LARP1: variants seen among roughly 807,000 people sequenced by gnomAD.
LARP1 encodes the protein la-related protein 1.
LARP1 carries 36 observed loss-of-function variants against 122.7 expected under a neutral mutation model. The ratio of observed to expected loss-of-function variants is 0.29; its 90% CI spans 0.22 to 0.39. The LOEUF (loss-of-function observed/expected upper bound fraction) is 0.39, where lower values mean the gene tolerates loss of function less well. Ranked by LOEUF, LARP1 falls within the 10% of genes least tolerant of loss-of-function variation. LARP1 has a pLI of 1.00. For synonymous variants in LARP1, 539 were observed against 528.7 expected (o/e 1.02, Z -0.27); for missense variants, 1,040 against 1,403.6 (o/e 0.74, Z 4.14).
At chr5:154,744,476 C>T (rs1753071681) in intron 1 of LARP1, among the ~76,000 whole-genome samples, 1 of 152,030 alleles carries the variant, frequency 6.6e-6, no homozygotes, top group Non-Finnish European at 1.5e-5. Context: ...TTGCTGGGCT[C>T]ATCTAATCAC....
rs1759469726 is a variant in LARP1, at chr5:154,813,754, A to G, written c.3082-133A>G. 10 of 761,780 alleles carry G rather than the reference A, an allele frequency of 1.3e-5. No individual in the cohort carries two copies. In the East Asian group the frequency reaches 2.6e-4, roughly 20 times the overall value. 47.2% of individuals were successfully genotyped at this position (761,780 alleles called of 1,614,324 possible). A position where few individuals can be genotyped will look rare whatever the true frequency, so the allele number is the denominator to read the frequency against. The stretch of plus-strand genomic sequence containing the variant: ...ATGAAGAAACGCTTAATAACTTATA[A>G]TTTATTTTTAAGGTTAAACCCATTC... On this transcript the variant is annotated intron_variant, in intron 18 of 18. Coordinates refer to ENST00000518297, the MANE Select transcript of LARP1 (RefSeq NM_033551.3).
chr5:154,711,876 C>T (rs1755239779), upstream of LARP1, among the ~76,000 whole-genome samples: 1 of 152,150 alleles, frequency 6.6e-6, no homozygotes, highest in African/African-American at 2.4e-5. Flanking sequence ...TGTCTCGTTC[C>T]TTGTCATCAT....
chr5:154,758,015 T>A (rs1754138665), intron 1 of LARP1, among the ~76,000 whole-genome samples: 1 of 151,274 alleles, frequency 6.6e-6, no homozygotes, highest in Non-Finnish European at 1.5e-5. Context: ...GAAAACAACT[T>A]TAAAACACTC....
In LARP1 at chr5:154,814,053, A is replaced by G. The variant is rs761756581; in HGVS notation, c.3248A>G (p.Lys1083Arg). 1.9e-6 allele frequency: 3 copies of G among 1,614,008 alleles called. No homozygotes were observed. Among genetic ancestry groups the G allele is most frequent in the East Asian group, 2.2e-5 (1 of 44,872 alleles). ...GGCCAGCCTGTCCGGGAAGATGCCA[A>G]ATGGACAAGCCAGCACTCGAACACA... ...PTGQPVREDAKWTSQHSNTQT... is the reference protein window; with the variant it reads ...PTGQPVREDARWTSQHSNTQT... Residue 1083 changes from lysine (K) to arginine (R), a missense_variant, in exon 19 of 19, where the codon AAA becomes AGA. By Grantham distance (26) the Lys-to-Arg change is conservative. Transcript: ENST00000518297.
chr5:154,707,709 T>C (rs1270537550), intron 1 of LARP1, among the ~76,000 whole-genome samples: 1 of 152,142 alleles, frequency 6.6e-6, no homozygotes, highest in African/African-American at 2.4e-5. Context: ...TATTATTATA[T>C]TGTAATATGT....
At chr5:154,706,735 A>C (rs986308984) in intron 1 of LARP1, among the ~76,000 whole-genome samples, 2 of 152,158 alleles carry the variant, frequency 1.3e-5, no homozygotes, top group African/African-American at 4.8e-5. Context: ...TTGGAAAAAA[A>C]AAAAACAAAA....
rs954435497 is a variant in LARP1, at chr5:154,773,711, A to G, written c.437-16614A>G. Among the ~76,000 whole-genome samples the G allele has an allele frequency of 2.0e-5, 3 of 152,222 alleles. 1 individual carries two copies. The highest frequency in any genetic ancestry group is 7.2e-5 in the African/African-American group (3 of 41,456). ...CTGGTTTTGGAACTACTTGAAGTAC[A>G]AAGAGGAAACTAATGGAGGGTGGGC... is the stretch of plus-strand genomic sequence containing the variant. On this transcript the variant is annotated intron_variant, in intron 1 of 18. Coordinates refer to ENST00000518297, the MANE Select transcript of LARP1 (RefSeq NM_033551.3).
In LARP1 at chr5:154,758,583, GCC is replaced by G. The variant is rs565372443; in HGVS notation, c.436+2392_436+2393del. Among the ~76,000 whole-genome samples, 1,309 of 152,266 alleles carry G rather than the reference GCC, an allele frequency of 8.6e-3. 13 individuals are homozygous for G. Among genetic ancestry groups the G allele is most frequent in the African/African-American group, 0.03 (1,245 of 41,546 alleles). On this transcript the variant is annotated intron_variant, in intron 1 of 18. Coordinates refer to ENST00000518297, the MANE Select transcript of LARP1 (RefSeq NM_033551.3). ...CGTGGATCTCTGAAGTGCTTTTCCAGCCCTGGTTTTATTTACAGCTTCGACAA... is the reference window on the plus strand; with the variant it reads ...CGTGGATCTCTGAAGTGCTTTTCCAGCTGGTTTTATTTACAGCTTCGACAA...
At chr5:154,774,162 C>G (rs1252065887) in intron 1 of LARP1, among the ~76,000 whole-genome samples, 1 of 152,096 alleles carries the variant, frequency 6.6e-6, no homozygotes, top group Non-Finnish European at 1.5e-5. Flanking sequence ...TCCTCCGTCC[C>G]TTTGGAGGAG....
At chr5:154,748,739 T>C (rs1197493258) in intron 1 of LARP1, among the ~76,000 whole-genome samples, 1 of 152,224 alleles carries the variant, frequency 6.6e-6, no homozygotes, top group Non-Finnish European at 1.5e-5. Flanking sequence ...ATAAGTAGAA[T>C]TATCATCTCC....
At chr5:154,796,718 G>A (rs1424354268) in intron 8 of LARP1, among the ~76,000 whole-genome samples, 1 of 152,024 alleles carries the variant, frequency 6.6e-6, no homozygotes, top group East Asian at 1.9e-4. Flanking sequence ...TCTGTCAGTC[G>A]GTCTTCATTT....
At chr5:154,807,397 A>G (rs1348010939) in intron 15 of LARP1, among the ~76,000 whole-genome samples, 1 of 152,184 alleles carries the variant, frequency 6.6e-6, no homozygotes, top group Non-Finnish European at 1.5e-5. Flanking sequence ...CCCTTTGACA[A>G]AATTAAACTC....
At chr5:154,747,601 G>A (rs1391548706) in intron 1 of LARP1, among the ~76,000 whole-genome samples, 1 of 152,162 alleles carries the variant, frequency 6.6e-6, no homozygotes, top group Admixed American at 6.5e-5. Context: ...GGAGGCTGAG[G>A]CAGGAGAATC....
intron 3 of LARP1, 51 bp downstream of exon 3, chr5:154,790,761 C>G: frequency 2.0e-6 from 3 of 1,468,538 alleles, no homozygotes; most frequent in South Asian, 2.3e-5. Flanking sequence ...GACATACACA[C>G]ATTTAGCTCC....
chr5:154,767,248 G>C (rs1377404822), intron 1 of LARP1, among the ~76,000 whole-genome samples: 1 of 152,178 alleles, frequency 6.6e-6, no homozygotes, highest in South Asian at 2.1e-4. Flanking sequence ...TGTGAGCTAG[G>C]TGAATATATA....
chr5:154,736,205 C>T (rs963084655), intron 1 of LARP1, among the ~76,000 whole-genome samples: 1 of 151,504 alleles, frequency 6.6e-6, no homozygotes, highest in Admixed American at 6.6e-5. Flanking sequence ...AAGTGATTCT[C>T]CTGCTTCAGC....
Position 154,702,438 on chromosome 5 carries a change from C to T in LARP1, c.-180+19401C>T, listed in dbSNP as rs149912949. ...GGGCGTGGTGGTGGGCACCTGTAATCACAGCTACTAGGGATGCTGAGGCAG... is the reference window on the plus strand; with the variant it reads ...GGGCGTGGTGGTGGGCACCTGTAATTACAGCTACTAGGGATGCTGAGGCAG... On this transcript the variant is annotated intron_variant, in intron 1 of 18. Coordinates refer to the LARP1 transcript ENST00000687700. Among the ~76,000 whole-genome samples the T allele has an allele frequency of 6.3e-4, 96 of 151,980 alleles. 1 individual carries two copies. Among genetic ancestry groups the T allele is most frequent in the Non-Finnish European group, 1.1e-3 (75 of 67,962 alleles).
intron 14 of LARP1, chr5:154,805,151 G>GA: frequency 3.0e-6 from 1 of 334,318 alleles, no homozygotes; most frequent in East Asian, 7.8e-5. Flanking sequence ...CTACTTGGTG[G>GA]GGAGAGGGAG....
chr5:154,797,924 A>G (rs906115594), intron 8 of LARP1, among the ~76,000 whole-genome samples: 2 of 152,118 alleles, frequency 1.3e-5, no homozygotes, highest in African/African-American at 4.8e-5. Context: ...GGCTTGAGCC[A>G]TCCTCTCACT....
Sources: gnomAD v4.1 joint callset for allele counts (sites outside exome capture counted in the v4.1 genomes callset) on GRCh38, gnomAD v4.1.1 for gene constraint, MANE v1.5 for transcripts, NCBI Gene and HGNC (gene_info 2026-07-23, HGNC 2026-07-21) for gene names.